The following NRXN3 variants were observed in gnomAD, a reference collection of about 807,000 sequenced individuals.
The protein encoded by NRXN3 is neurexin 3, also known as neurexin III.
In NRXN3, 32 loss-of-function variants were observed where a neutral mutation model predicts 137.6. That is an observed-to-expected ratio of 0.23 (90% CI 0.18 to 0.31). NRXN3 has a LOEUF of 0.31. Among genes scored for constraint, NRXN3 ranks in the 10% least tolerant of loss-of-function variants. The pLI, the probability that NRXN3 is intolerant of heterozygous loss-of-function variation, is 1.00. For synonymous variants in NRXN3, 798 were observed against 784.5 expected, an observed-to-expected ratio of 1.02 and a Z score of -0.29; for missense variants, 1,574 against 2,062.5, an observed-to-expected ratio of 0.76 and a Z score of 4.59.
At chr14:79,464,974 C>G (rs919009139) in intron 15 of NRXN3, among the ~76,000 whole-genome samples, 9 of 152,114 alleles carry the variant, frequency 5.9e-5, no homozygotes, top group African/African-American at 1.9e-4. Context: ...TTTGTAGTGA[C>G]AAAATTATTT....
intron 1 of NRXN3, among the ~76,000 whole-genome samples, chr14:78,220,290 C>A (rs527343055): frequency 6.6e-6 from 1 of 152,068 alleles, no homozygotes; most frequent in East Asian, 1.9e-4. Context: ...ACCCTGACAT[C>A]TGAAGGGTGG....
chr14:78,372,029 A>G (rs1406632975), intron 4 of NRXN3, among the ~76,000 whole-genome samples: 3 of 152,198 alleles, frequency 2.0e-5, no homozygotes, highest in African/African-American at 7.2e-5. Flanking sequence ...TATTGTACAC[A>G]CAATGACAGA....
At chr14:79,808,255 A>ATATATATAT (rs1555750670) in intron 20 of NRXN3, among the ~76,000 whole-genome samples, 4 of 123,982 alleles carry the variant, frequency 3.2e-5, no homozygotes, top group Non-Finnish European at 6.5e-5. Context: ...AAAAAAAAAA[A>ATATATATAT]ATATATATAT....
chr14:79,721,850 A>G lies in NRXN3; in HGVS notation c.4014+23913A>G, dbSNP rs151205873. ...GCAAGAGGTAGGGTGTGGTAGCATG[A>G]AGTCTCTAATAGTTTACCCAGTTCT... On this transcript the variant is annotated intron_variant, in intron 19 of 20. Transcript: ENST00000335750. 1.8e-3 allele frequency among the ~76,000 whole-genome samples: 272 copies of G among 152,252 alleles called. 1 individual carries two copies. Among genetic ancestry groups the G allele is most frequent in the African/African-American group, 5.8e-3 (243 of 41,570 alleles).
Position 78,614,813 on chromosome 14 carries a change from G to A in NRXN3, c.758-30307G>A, listed in dbSNP as rs190114140. On this transcript the variant is annotated intron_variant, in intron 4 of 20. Coordinates refer to ENST00000335750, the MANE Select transcript of NRXN3 (RefSeq NM_001330195.2). Reference sequence around the variant, plus strand: ...CCAAGGCACTCCCTACAGCAAATTAGGTAATGAAACAACTCTTGTGGGCCC... The same window carrying A: ...CCAAGGCACTCCCTACAGCAAATTAAGTAATGAAACAACTCTTGTGGGCCC... 10 of 360,338 alleles carry A rather than the reference G, an allele frequency of 2.8e-5. No homozygotes were observed. The East Asian group carries it at 7.4e-4, about 27-fold the overall frequency. 22.3% of individuals were successfully genotyped at this position (360,338 alleles called of 1,614,324 possible).
intron 15 of NRXN3, among the ~76,000 whole-genome samples, chr14:79,305,362 T>C (rs902530143): frequency 1.3e-5 from 2 of 152,038 alleles, no homozygotes; most frequent in African/African-American, 4.8e-5. Flanking sequence ...ATTTTCAGAA[T>C]CCTAGCTACT....
intron 4 of NRXN3, among the ~76,000 whole-genome samples, chr14:78,401,854 TACTC>T (rs1464902255): frequency 6.6e-6 from 1 of 152,228 alleles, no homozygotes; most frequent in African/African-American, 2.4e-5. Context: ...TAGAGGAACA[TACTC>T]ACTAGTTTCT....
chr14:79,291,169 A>G lies in NRXN3; in HGVS notation c.3263-176052A>G, dbSNP rs572447591. Among the ~76,000 whole-genome samples the G allele has an allele frequency of 1.2e-4, 19 of 152,282 alleles. No individual in the cohort carries two copies. In the East Asian group the frequency reaches 3.5e-3, roughly 28 times the overall value. On this transcript the variant is annotated intron_variant, in intron 15 of 20. Coordinates refer to ENST00000335750, the MANE Select transcript of NRXN3 (RefSeq NM_001330195.2). ...ACCTTTGAATGTTCTCTTTTCTTAA[A>G]ACAAACTTCTTAGATAAGTTAAACA...
At chr14:79,269,330 T>C (rs968957313) in intron 15 of NRXN3, among the ~76,000 whole-genome samples, 1 of 152,168 alleles carries the variant, frequency 6.6e-6, no homozygotes, top group Admixed American at 6.6e-5. Flanking sequence ...ATTACAGGAG[T>C]GAGCCACCGC....
intron 19 of NRXN3, among the ~76,000 whole-genome samples, chr14:79,804,439 A>G (rs17109827): frequency 0.097 from 14,750 of 152,158 alleles, 1,094 homozygotes; most frequent in East Asian, 0.36. Flanking sequence ...AAGTCGAACT[A>G]CTATTATTGC....
chr14:79,841,154 G>A (rs951715721), intron 20 of NRXN3, among the ~76,000 whole-genome samples: 4 of 152,210 alleles, frequency 2.6e-5, no homozygotes, highest in Admixed American at 6.5e-5. Flanking sequence ...GATGTCAAGT[G>A]CTGGAGTCTT....
chr14:78,269,776 A>G (rs1329980811), intron 2 of NRXN3, among the ~76,000 whole-genome samples: 1 of 151,938 alleles, frequency 6.6e-6, no homozygotes, highest in Non-Finnish European at 1.5e-5. Flanking sequence ...AGTTTGCAGA[A>G]CTCACCTCCA....
chr14:78,868,171 C>G (rs2099092129), intron 10 of NRXN3, among the ~76,000 whole-genome samples: 1 of 151,754 alleles, frequency 6.6e-6, no homozygotes, highest in Non-Finnish European at 1.5e-5. Context: ...TATGAGTAAT[C>G]TTTCTCCCCT....
chr14:79,514,396 C>A (rs1319537486), intron 16 of NRXN3, among the ~76,000 whole-genome samples: 2 of 152,062 alleles, frequency 1.3e-5, no homozygotes, highest in Non-Finnish European at 2.9e-5. Context: ...TTTCTGCTTG[C>A]CATTTTCCTC....
At chr14:79,034,386 TG>T (rs1030507212) in intron 15 of NRXN3, among the ~76,000 whole-genome samples, 12 of 72,014 alleles carry the variant, frequency 1.7e-4, no homozygotes, top group South Asian at 3.9e-4. Flanking sequence ...ACAGGTTTTT[TG>T]GAAAAAAAAC....
rs529813380 is a variant in NRXN3, at chr14:78,539,013, C to T, written c.758-106107C>T. 1.5e-4 allele frequency among the ~76,000 whole-genome samples: 23 copies of T among 152,040 alleles called. 1 individual carries two copies. Among genetic ancestry groups the T allele is most frequent in the African/African-American group, 5.1e-4 (21 of 41,492 alleles). Reference sequence around the variant, plus strand: ...TTTTGATGTGCTGCTGGATTCAGTTCGAAAGTATTTTATTGAGGATTTTTG... The same window carrying T: ...TTTTGATGTGCTGCTGGATTCAGTTTGAAAGTATTTTATTGAGGATTTTTG... On this transcript the variant is annotated intron_variant, in intron 4 of 20. Transcript: ENST00000335750.
intron 15 of NRXN3, among the ~76,000 whole-genome samples, chr14:79,007,353 T>C (rs1044181809): frequency 2.0e-5 from 3 of 152,100 alleles, no homozygotes; most frequent in Non-Finnish European, 4.4e-5. Flanking sequence ...TTGTCGTTTC[T>C]GTCAACTTTT....
intron 17 of NRXN3, among the ~76,000 whole-genome samples, chr14:79,674,656 G>A (rs1266127552): frequency 6.6e-6 from 1 of 152,112 alleles, no homozygotes; most frequent in African/African-American, 2.4e-5. Flanking sequence ...AAATTCACAT[G>A]GTTGACAGAT....
At chr14:78,986,810 C>T (rs1030596972) in intron 14 of NRXN3, among the ~76,000 whole-genome samples, 1 of 151,784 alleles carries the variant, frequency 6.6e-6, no homozygotes, top group African/African-American at 2.4e-5. Flanking sequence ...ATCACGAGGT[C>T]AGGAGATCGA....
Sources: allele counts gnomAD v4.1 joint callset (sites outside exome capture counted in the v4.1 genomes callset), GRCh38; gene constraint gnomAD v4.1.1; transcripts MANE v1.5; gene names NCBI Gene and HGNC (gene_info 2026-07-23, HGNC 2026-07-21).